Variants in PRKD1 observed in about 807,000 individuals in gnomAD.
The protein encoded by PRKD1 is protein kinase D1.
PRKD1 carries 63 observed loss-of-function variants against 95.9 expected under a neutral mutation model. That is an observed-to-expected ratio of 0.66 (90% confidence interval 0.54 to 0.81). The LOEUF is 0.81. PRKD1 is among the 30% of genes least tolerant of loss of function. The pLI, the probability that PRKD1 is intolerant of heterozygous loss-of-function variation, is 0.00. For synonymous variants in PRKD1, 425 were observed against 423.1 expected (o/e 1.00, Z -0.05); for missense variants, 1,048 against 1,165.3 (o/e 0.90, Z 1.47).
At chr14:29,708,931 A>C (rs746958158) in intron 2 of PRKD1, among the ~76,000 whole-genome samples, 1 of 152,216 alleles carries the variant, frequency 6.6e-6, no homozygotes, top group South Asian at 2.1e-4. Flanking sequence ...AAGATAGCAA[A>C]ATTTTTTATA....
chr14:29,729,775 T>C (rs1208286633), intron 1 of PRKD1, among the ~76,000 whole-genome samples: 1 of 152,096 alleles, frequency 6.6e-6, no homozygotes, highest in Non-Finnish European at 1.5e-5. Context: ...TAGTTTAATA[T>C]GACCATTTAA....
chr14:29,794,232 T>G (rs1480735748), intron 1 of PRKD1, among the ~76,000 whole-genome samples: 1 of 151,846 alleles, frequency 6.6e-6, no homozygotes, highest in Non-Finnish European at 1.5e-5. Flanking sequence ...CACATTAGAG[T>G]ATTTAGCAGA....
intron 12 of PRKD1, among the ~76,000 whole-genome samples, chr14:29,624,484 C>T (rs1368425138): frequency 6.6e-6 from 1 of 151,904 alleles, no homozygotes; most frequent in Admixed American, 6.6e-5. Flanking sequence ...AGAATTGGGG[C>T]ATTAAAAGCT....
At chr14:29,762,420 A>G (rs944520890) in intron 1 of PRKD1, among the ~76,000 whole-genome samples, 3 of 152,150 alleles carry the variant, frequency 2.0e-5, no homozygotes, top group African/African-American at 7.2e-5. Flanking sequence ...AGAAGACAGG[A>G]TGCTTCTTTG....
intron 2 of PRKD1, among the ~76,000 whole-genome samples, chr14:29,684,468 C>A (rs1953717): frequency 0.52 from 78,910 of 152,038 alleles, 23,102 homozygotes; most frequent in African/African-American, 0.8. Flanking sequence ...ATAGCTATCT[C>A]CTTCAGACAT....
At chr14:29,660,091 T>C (rs182571017) in intron 4 of PRKD1, among the ~76,000 whole-genome samples, 3 of 152,348 alleles carry the variant, frequency 2.0e-5, no homozygotes, top group Admixed American at 2.0e-4. Context: ...ATTTCGTGTA[T>C]GGCATAAGAC....
At chr14:29,639,052 T>G in intron 4 of PRKD1, 148 bp from the exon 5 acceptor site, 1 of 605,818 alleles carries the variant, frequency 1.7e-6, no homozygotes, top group Non-Finnish European at 2.7e-6. Flanking sequence ...TTAATTAATA[T>G]AATTTACTTG....
intron 2 of PRKD1, among the ~76,000 whole-genome samples, chr14:29,710,774 A>C (rs563619382): frequency 6.6e-6 from 1 of 152,278 alleles, no homozygotes; most frequent in African/African-American, 2.4e-5. Flanking sequence ...GGTGAGACAA[A>C]CTGTGTATAT....
chr14:29,901,364 C>A (rs112863122), intron 1 of PRKD1, among the ~76,000 whole-genome samples: 3,090 of 152,256 alleles, frequency 0.02, 47 homozygotes, highest in African/African-American at 0.05. Context: ...GGAAAAGAGG[C>A]TGAAAAACCA....
At chr14:29,603,620 T>C (rs1893601445) in intron 13 of PRKD1, among the ~76,000 whole-genome samples, 1 of 152,240 alleles carries the variant, frequency 6.6e-6, no homozygotes, top group African/African-American at 2.4e-5. Context: ...TGACTTTTCA[T>C]GAACAGTTTT....
intron 1 of PRKD1, among the ~76,000 whole-genome samples, chr14:29,817,688 T>G (rs2139261201): frequency 6.6e-6 from 1 of 152,164 alleles, no homozygotes; most frequent in South Asian, 2.1e-4. Flanking sequence ...GCTTATAAAC[T>G]TCTAGGCCAG....
At chr14:29,848,434 A>G (rs1892169149) in intron 1 of PRKD1, among the ~76,000 whole-genome samples, 1 of 152,138 alleles carries the variant, frequency 6.6e-6, no homozygotes, top group Non-Finnish European at 1.5e-5. Flanking sequence ...AAAGACTAAA[A>G]CATTCAAAAG....
intron 13 of PRKD1, among the ~76,000 whole-genome samples, chr14:29,622,153 T>C (rs770796303): frequency 5.9e-5 from 9 of 152,078 alleles, no homozygotes; most frequent in Non-Finnish European, 1.2e-4. Context: ...CAGTTCACAA[T>C]AGGGTTTGCA....
chr14:29,636,219 T>C, intron 7 of PRKD1, 71 bp downstream of exon 7: 1 of 1,531,676 alleles, frequency 6.5e-7, no homozygotes, highest in Non-Finnish European at 9.0e-7. Context: ...TATTAAAATA[T>C]CAAAGAGGTT....
intron 1 of PRKD1, among the ~76,000 whole-genome samples, chr14:29,814,871 T>C (rs1437475881): frequency 1.3e-5 from 2 of 152,176 alleles, no homozygotes; most frequent in Non-Finnish European, 2.9e-5. Flanking sequence ...AAGCAAAATA[T>C]AGGAAAGAGC....
At chr14:29,624,392 T>C (rs1263177812) in intron 12 of PRKD1, 134 bp from the exon 13 acceptor site, 1 of 492,610 alleles carries the variant, frequency 2.0e-6, no homozygotes, top group Non-Finnish European at 3.5e-6. Context: ...TAAAGAGCAC[T>C]GACTTACATA....
chr14:29,917,745 A>G (rs1411889782), intron 1 of PRKD1, among the ~76,000 whole-genome samples: 2 of 152,156 alleles, frequency 1.3e-5, no homozygotes, highest in African/African-American at 4.8e-5. Context: ...TTCAACTGTC[A>G]AGATACAATA....
At chr14:29,858,232 C>T (rs1892578736) in intron 1 of PRKD1, among the ~76,000 whole-genome samples, 1 of 152,148 alleles carries the variant, frequency 6.6e-6, no homozygotes, top group Non-Finnish European at 1.5e-5. Context: ...CTTCTAAGCA[C>T]CTATCACCAT....
At chr14:29,658,198 C>A (rs1263425089) in intron 4 of PRKD1, among the ~76,000 whole-genome samples, 1 of 152,168 alleles carries the variant, frequency 6.6e-6, no homozygotes, top group East Asian at 1.9e-4. Flanking sequence ...GGGCCGTCGT[C>A]ACAATTCAAC....
Sources: allele counts gnomAD v4.1 joint callset (sites outside exome capture counted in the v4.1 genomes callset), GRCh38; gene constraint gnomAD v4.1.1; transcripts MANE v1.5; gene names NCBI Gene and HGNC (gene_info 2026-07-23, HGNC 2026-07-21).